The following HS6ST3 variants were observed in gnomAD, a reference collection of about 807,000 sequenced individuals.
The protein encoded by HS6ST3 is heparan-sulfate 6-O-sulfotransferase 3.
Under a neutral mutation model 36.7 loss-of-function variants are expected in HS6ST3, and 12 were observed. The ratio of observed to expected loss-of-function variants is 0.33; its 90% CI spans 0.21 to 0.53. The LOEUF (loss-of-function observed/expected upper bound fraction) is 0.53, where lower values mean the gene tolerates loss of function less well. Among genes scored for constraint, HS6ST3 ranks in the 20% least tolerant of loss-of-function variants. The pLI, the probability that HS6ST3 is intolerant of heterozygous loss-of-function variation, is 0.95. For synonymous variants in HS6ST3, 240 were observed against 257.5 expected (o/e 0.93, Z 0.65); for missense variants, 584 against 640.9 (o/e 0.91, Z 0.96).
intron 1 of HS6ST3, among the ~76,000 whole-genome samples, chr13:96,735,054 T>C (rs1006703675): frequency 1.1e-4 from 17 of 152,190 alleles, no homozygotes; most frequent in African/African-American, 4.1e-4. Flanking sequence ...CTCATTCAAA[T>C]TAAGAACATA....
At chr13:96,668,005 A>G (rs1043085187) in intron 1 of HS6ST3, among the ~76,000 whole-genome samples, 2 of 152,188 alleles carry the variant, frequency 1.3e-5, no homozygotes, top group African/African-American at 4.8e-5. Context: ...TCCCTCTAAC[A>G]TTCACCAAGT....
intron 1 of HS6ST3, among the ~76,000 whole-genome samples, chr13:96,110,855 G>T (rs1178893540): frequency 1.3e-5 from 2 of 152,132 alleles, no homozygotes; most frequent in South Asian, 4.1e-4. Flanking sequence ...TCCTTGAGGG[G>T]TGTGGTGAAG....
intron 1 of HS6ST3, among the ~76,000 whole-genome samples, chr13:96,208,103 A>C (rs886709302): frequency 6.6e-5 from 10 of 152,188 alleles, no homozygotes; most frequent in African/African-American, 2.4e-4. Context: ...GAACATTTCA[A>C]AAAATACATA....
chr13:96,220,692 A>G (rs759153577), intron 1 of HS6ST3, among the ~76,000 whole-genome samples: 4 of 152,232 alleles, frequency 2.6e-5, no homozygotes, highest in Non-Finnish European at 4.4e-5. Context: ...CAGGGCTTCT[A>G]TAAATTCACA....
At chr13:96,614,155 G>A (rs971264625) in intron 1 of HS6ST3, among the ~76,000 whole-genome samples, 1 of 151,666 alleles carries the variant, frequency 6.6e-6, no homozygotes, top group Non-Finnish European at 1.5e-5. Context: ...AAAATTAGCC[G>A]GGAGTGGTGA....
intron 1 of HS6ST3, among the ~76,000 whole-genome samples, chr13:96,286,757 G>A (rs909095312): frequency 2.0e-5 from 3 of 152,112 alleles, no homozygotes; most frequent in Non-Finnish European, 2.9e-5. Context: ...GTTGATTTGA[G>A]AGGAAGACTG....
intron 1 of HS6ST3, among the ~76,000 whole-genome samples, chr13:96,568,548 C>T (rs757346614): frequency 1.7e-4 from 26 of 152,288 alleles, no homozygotes; most frequent in African/African-American, 4.8e-4. Flanking sequence ...TGAGCCACCA[C>T]GCCTGGCCAG....
intron 1 of HS6ST3, among the ~76,000 whole-genome samples, chr13:96,664,261 A>G (rs1262221493): frequency 6.6e-6 from 1 of 152,180 alleles, no homozygotes; most frequent in African/African-American, 2.4e-5. Context: ...AAGAAATAAG[A>G]TAATTCATAG....
chr13:96,351,479 T>G (rs1353710982), intron 1 of HS6ST3, among the ~76,000 whole-genome samples: 4 of 151,940 alleles, frequency 2.6e-5, no homozygotes, highest in African/African-American at 9.7e-5. Context: ...ATCTGGCAAA[T>G]TTTTCTATGT....
intron 1 of HS6ST3, among the ~76,000 whole-genome samples, chr13:96,459,100 TAAAAAAAAAA>T (rs747439262): frequency 0.038 from 2,435 of 63,914 alleles, 136 homozygotes; most frequent in East Asian, 0.14. Context: ...CAAGACTGTC[TAAAAAAAAAA>T]AAAAAAAAAA....
chr13:96,678,290 G>A (rs562036711), intron 1 of HS6ST3, among the ~76,000 whole-genome samples: 30 of 152,270 alleles, frequency 2.0e-4, no homozygotes, highest in African/African-American at 7.0e-4. Flanking sequence ...CCTGCCAACA[G>A]TATTGTTTTG....
intron 1 of HS6ST3, among the ~76,000 whole-genome samples, chr13:96,431,075 G>C (rs1454938772): frequency 2.0e-5 from 3 of 151,998 alleles, no homozygotes; most frequent in African/African-American, 7.2e-5. Context: ...GTGGTGGTAC[G>C]TGCCTGTAGC....
chr13:96,131,854 G>C lies in HS6ST3; in HGVS notation c.707+40285G>C, dbSNP rs550565820. Among the ~76,000 whole-genome samples, 3 of 149,974 alleles carry C rather than the reference G, an allele frequency of 2.0e-5. No homozygotes were observed. The South Asian group carries it at 6.3e-4, about 31-fold the overall frequency. ...TTTTTAAATTTGTAACCTGACAAAC[G>C]TCACAAAATTGTTAGGAAGTTTTCA... is the stretch of plus-strand genomic sequence containing the variant. On this transcript the variant is annotated intron_variant, in intron 1 of 1. Coordinates refer to ENST00000376705, the MANE Select transcript of HS6ST3 (RefSeq NM_153456.4).
chr13:96,619,874 C>A (rs556410707), intron 1 of HS6ST3, among the ~76,000 whole-genome samples: 12 of 152,290 alleles, frequency 7.9e-5, no homozygotes, highest in African/African-American at 2.4e-4. Flanking sequence ...CAGGCCCCAG[C>A]AACATATCAG....
chr13:96,760,438 G>C (rs1021541244), intron 1 of HS6ST3, among the ~76,000 whole-genome samples: 1 of 151,682 alleles, frequency 6.6e-6, no homozygotes, highest in Admixed American at 6.6e-5. Flanking sequence ...ACCAACTTAG[G>C]CACATGATTG....
intron 1 of HS6ST3, among the ~76,000 whole-genome samples, chr13:96,390,922 G>A (rs1360260798): frequency 1.3e-5 from 2 of 152,120 alleles, no homozygotes; most frequent in Non-Finnish European, 2.9e-5. Flanking sequence ...CTTAAAAACT[G>A]TCATTGTTTC....
At chr13:96,322,503 G>A (rs2139415680) in intron 1 of HS6ST3, among the ~76,000 whole-genome samples, 1 of 152,198 alleles carries the variant, frequency 6.6e-6, no homozygotes, top group Middle Eastern at 3.4e-3. Context: ...GTTGCAGTGA[G>A]CCGAGATTGT....
rs1878983819 is a variant in HS6ST3 at position 96,838,157 on chromosome 13, C to A, written c.*4959C>A. On this transcript the variant is annotated 3_prime_UTR_variant, in exon 2 of 2. Transcript: ENST00000376705. ...ATTGTGGCTCCTAAAGGAGGCAGAT[C>A]TTTCCAAGGTGGAAAGGTAATGAAT... 1 of 152,084 alleles carries A rather than the reference C, an allele frequency of 6.6e-6. No individual in the cohort carries two copies. Among genetic ancestry groups the A allele is most frequent in the African/African-American group, 2.4e-5 (1 of 41,398 alleles). 9.4% of individuals were successfully genotyped at this position (152,084 alleles called of 1,614,324 possible).
At chr13:96,525,409 G>C (rs933460755) in intron 1 of HS6ST3, among the ~76,000 whole-genome samples, 1 of 152,040 alleles carries the variant, frequency 6.6e-6, no homozygotes, top group African/African-American at 2.4e-5. Context: ...CTAGTTACCA[G>C]TGGACTCTGA....
Sources: gnomAD v4.1 joint callset for allele counts (sites outside exome capture counted in the v4.1 genomes callset) on GRCh38, gnomAD v4.1.1 for gene constraint, MANE v1.5 for transcripts, NCBI Gene and HGNC (gene_info 2026-07-23, HGNC 2026-07-21) for gene names.